SMIM36: variants seen among roughly 807,000 people sequenced by gnomAD.
SMIM36 encodes the protein small integral membrane protein 36.
At chr17:55,521,670 C>G in the SMIM36 span, among the ~76,000 whole-genome samples, 9 of 152,100 alleles carry the variant, frequency 5.9e-5, no homozygotes, top group African/African-American at 1.9e-4. Context: ...TTAGATGTAT[C>G]CTTGCCTCCA....
upstream of SMIM36, among the ~76,000 whole-genome samples, chr17:55,511,932 C>T (rs1910188268): frequency 6.6e-6 from 1 of 152,188 alleles, no homozygotes; most frequent in Non-Finnish European, 1.5e-5. Context: ...TGAGTACTTA[C>T]TTCCTGTGTT....
chr17:55,492,022 G>A (rs926304076), intron 1 of SMIM36, among the ~76,000 whole-genome samples: 7 of 151,670 alleles, frequency 4.6e-5, no homozygotes, highest in African/African-American at 9.7e-5. Context: ...AGCTGGGCGT[G>A]GTGGCAGGCA....
chr17:55,498,482 T>A (rs1909847911), intron 1 of SMIM36, among the ~76,000 whole-genome samples: 4 of 152,172 alleles, frequency 2.6e-5, no homozygotes, highest in Admixed American at 2.6e-4. Flanking sequence ...CTTATTTTCA[T>A]CTTATTTGCT....
At chr17:55,474,625 G>T (rs577654837) in intron 3 of SMIM36, among the ~76,000 whole-genome samples, 130 of 152,266 alleles carry the variant, frequency 8.5e-4, no homozygotes, top group African/African-American at 3.1e-3. Flanking sequence ...TGATACTTTG[G>T]TTTTGCTTTT....
At chr17:55,516,509 G>C in the SMIM36 span, among the ~76,000 whole-genome samples, 1 of 150,978 alleles carries the variant, frequency 6.6e-6, no homozygotes, top group Non-Finnish European at 1.5e-5. Flanking sequence ...TTATATAACA[G>C]GCCAAAATGT....
chr17:55,485,939 AT>A, intron 1 of SMIM36, among the ~76,000 whole-genome samples: 1 of 152,246 alleles, frequency 6.6e-6, no homozygotes, highest in South Asian at 2.1e-4. Flanking sequence ...CTTAATGTTA[AT>A]TTCCAAGAGT....
chr17:55,452,892 G>A (rs1161040102), intron 4 of SMIM36, among the ~76,000 whole-genome samples: 2 of 152,174 alleles, frequency 1.3e-5, no homozygotes, highest in African/African-American at 4.8e-5. Context: ...CTTTGATAGA[G>A]AGGGAAGTAA....
intron 3 of SMIM36, among the ~76,000 whole-genome samples, chr17:55,476,660 C>T (rs370544523): frequency 3.3e-5 from 5 of 152,098 alleles, no homozygotes; most frequent in South Asian, 2.1e-4. Context: ...CTCCACCTCC[C>T]GGGTTCAAAT....
At chr17:55,486,762 A>C (rs571980922) in intron 1 of SMIM36, among the ~76,000 whole-genome samples, 7 of 152,300 alleles carry the variant, frequency 4.6e-5, no homozygotes, top group African/African-American at 1.7e-4. Context: ...TCAATTCCCT[A>C]TTCCTTACTT....
chr17:55,529,912 C>T, the SMIM36 span, among the ~76,000 whole-genome samples: 1 of 152,190 alleles, frequency 6.6e-6, no homozygotes, highest in Non-Finnish European at 1.5e-5. Flanking sequence ...ATCTTCATTG[C>T]TCATTTAGGT....
chr17:55,526,004 C>T, the SMIM36 span, among the ~76,000 whole-genome samples: 744 of 151,774 alleles, frequency 4.9e-3, 11 homozygotes, highest in South Asian at 0.041. Context: ...AAACAAAAAA[C>T]TGGAGATAGA....
intron 1 of SMIM36, among the ~76,000 whole-genome samples, chr17:55,492,242 C>CTTTTT (rs770501215): frequency 3.9e-3 from 438 of 111,288 alleles, no homozygotes; most frequent in Middle Eastern, 5.7e-3. Flanking sequence ...TTCTTTCTTT[C>CTTTTT]TTTTTTTTTT....
intron 3 of SMIM36, chr17:55,468,262 A>G (rs567106897): frequency 6.6e-6 from 1 of 152,560 alleles, no homozygotes; most frequent in Non-Finnish European, 1.5e-5. Flanking sequence ...AGATCCACCT[A>G]TGACCTCAGG....
rs149338939 is a variant in SMIM36 at position 55,453,711 on chromosome 17, C to T, written c.*532-3413G>A. 2.7e-3 allele frequency among the ~76,000 whole-genome samples: 406 copies of T among 152,254 alleles called. 2 individuals are homozygous for T. The highest frequency in any genetic ancestry group is 9.6e-3 in the African/African-American group (397 of 41,546). ...GAAGCCCCTACTGTTCCCTCCCACC[C>T]CTGCAGGTAGGAATACACCACAATT... On this transcript the variant is annotated intron_variant, in intron 4 of 4. Transcript: ENST00000636752.
At chr17:55,488,072 C>A (rs1329153333) in intron 1 of SMIM36, among the ~76,000 whole-genome samples, 1 of 152,222 alleles carries the variant, frequency 6.6e-6, no homozygotes. Flanking sequence ...GAAAATTAAA[C>A]CTTTTTCAGG....
chr17:55,495,029 T>C (rs1909784179), intron 1 of SMIM36, among the ~76,000 whole-genome samples: 1 of 152,218 alleles, frequency 6.6e-6, no homozygotes, highest in South Asian at 2.1e-4. Flanking sequence ...CTTGCTAAGC[T>C]TTCCAAAGAC....
intron 1 of SMIM36, among the ~76,000 whole-genome samples, chr17:55,501,358 A>G (rs1909961842): frequency 1.2e-5 from 1 of 86,674 alleles, no homozygotes; most frequent in Non-Finnish European, 2.0e-5. Flanking sequence ...ATATTTTATA[A>G]TATATAATAT....
At chr17:55,498,561 T>C (rs183470889) in intron 1 of SMIM36, among the ~76,000 whole-genome samples, 45 of 151,354 alleles carry the variant, frequency 3.0e-4, no homozygotes, top group Middle Eastern at 6.8e-3. Context: ...TTCTAAACCT[T>C]GACCATCTTA....
chr17:55,531,944 G>A, the SMIM36 span, among the ~76,000 whole-genome samples: 1 of 152,174 alleles, frequency 6.6e-6, no homozygotes, highest in Non-Finnish European at 1.5e-5. Context: ...CATTGTGTAG[G>A]AATACATATG....
Sources: gnomAD v4.1 joint callset for allele counts (sites outside exome capture counted in the v4.1 genomes callset) on GRCh38, gnomAD v4.1.1 for gene constraint, MANE v1.5 for transcripts, NCBI Gene and HGNC (gene_info 2026-07-23, HGNC 2026-07-21) for gene names.